The following ANK2 variants were observed in gnomAD, a reference collection of about 807,000 sequenced individuals.
ANK2 encodes ankyrin-2.
In ANK2, 83 loss-of-function variants were observed where a neutral mutation model predicts 360.5. The observed-to-expected ratio is 0.23, with a 90% CI of 0.19 to 0.28. ANK2 has a LOEUF of 0.28. Ranked by LOEUF, ANK2 falls within the 10% of genes least tolerant of loss-of-function variation. ANK2 has a pLI of 1.00. For synonymous variants in ANK2, 1,740 were observed against 1,759.5 expected (o/e 0.99, Z 0.28); for missense variants, 4,201 against 4,795.7 (o/e 0.88, Z 3.66).
chr4:112,833,760 T>C (rs1039654747), intron 1 of ANK2, among the ~76,000 whole-genome samples: 18 of 152,110 alleles, frequency 1.2e-4, no homozygotes, highest in East Asian at 3.9e-4. Flanking sequence ...GCCTCGGCCT[T>C]CCAAAGTGCT....
intron 1 of ANK2, among the ~76,000 whole-genome samples, chr4:113,118,465 A>G (rs1359754771): frequency 6.6e-6 from 1 of 152,068 alleles, no homozygotes; most frequent in Admixed American, 6.6e-5. Flanking sequence ...TCTTTGCCTC[A>G]CTTTTGGAAA....
At chr4:113,083,542 C>T (rs1233671824) in intron 1 of ANK2, among the ~76,000 whole-genome samples, 2 of 152,100 alleles carry the variant, frequency 1.3e-5, no homozygotes, top group Non-Finnish European at 2.9e-5. Flanking sequence ...TATCTTCCTC[C>T]AGATGTAAAA....
At chr4:113,224,296 T>G (rs1246942076) in intron 4 of ANK2, among the ~76,000 whole-genome samples, 2 of 152,200 alleles carry the variant, frequency 1.3e-5, no homozygotes. Flanking sequence ...CTTTATTCCT[T>G]TATGTAACAA....
At chr4:113,171,009 TA>T (rs2097921901) in intron 1 of ANK2, among the ~76,000 whole-genome samples, 1 of 152,214 alleles carries the variant, frequency 6.6e-6, no homozygotes, top group African/African-American at 2.4e-5. Flanking sequence ...AGGGAGAGGA[TA>T]GTCTTACATT....
intron 2 of ANK2, among the ~76,000 whole-genome samples, chr4:112,967,842 CCT>C (rs1407963038): frequency 1.3e-5 from 2 of 152,120 alleles, no homozygotes; most frequent in African/African-American, 4.8e-5. Context: ...AATCATTTCC[CCT>C]CTCAGCTTGA....
In ANK2 at chr4:113,183,633, A is replaced by C. The variant is rs143286729; in HGVS notation, c.186+9116A>C. Among the ~76,000 whole-genome samples the C allele has an allele frequency of 6.3e-3, 960 of 152,312 alleles. 7 individuals are homozygous for C. Among genetic ancestry groups the C allele is most frequent in the African/African-American group, 0.015 (628 of 41,564 alleles). On this transcript the variant is annotated intron_variant, in intron 2 of 45. Coordinates refer to ENST00000357077, the MANE Select transcript of ANK2 (RefSeq NM_001148.6). Reference sequence around the variant, plus strand: ...ATTGAAGGATTTCTGGAGTTGGATGAGTAGATTAGCAAGAGAGTAAGTGCT... The same window carrying C: ...ATTGAAGGATTTCTGGAGTTGGATGCGTAGATTAGCAAGAGAGTAAGTGCT...
intron 1 of ANK2, among the ~76,000 whole-genome samples, chr4:112,840,947 C>T (rs10516590): frequency 0.3 from 45,488 of 150,804 alleles, 6,924 homozygotes; most frequent in East Asian, 0.35. Flanking sequence ...ATCTTTCCTG[C>T]TGTTATATAC....
intron 45 of ANK2, among the ~76,000 whole-genome samples, chr4:113,376,699 A>G (rs34938525): frequency 0.12 from 18,943 of 151,870 alleles, 1,382 homozygotes; most frequent in Middle Eastern, 0.2. Flanking sequence ...ATGCAAACAC[A>G]TTGCACAGGT....
chr4:113,146,423 A>G (rs962934865), intron 1 of ANK2, among the ~76,000 whole-genome samples: 2 of 152,164 alleles, frequency 1.3e-5, no homozygotes, highest in African/African-American at 4.8e-5. Flanking sequence ...TTTTAAGCAT[A>G]TGCTCCCTTA....
At chr4:113,001,777 C>G (rs1022809752) in intron 2 of ANK2, among the ~76,000 whole-genome samples, 1 of 152,116 alleles carries the variant, frequency 6.6e-6, no homozygotes, top group Non-Finnish European at 1.5e-5. Flanking sequence ...TCCTCTCGCT[C>G]ACATCCTGGG....
intron 2 of ANK2, among the ~76,000 whole-genome samples, chr4:112,960,834 C>G (rs957904483): frequency 3.9e-5 from 6 of 152,010 alleles, no homozygotes; most frequent in Admixed American, 3.3e-4. Flanking sequence ...TTCATGACAT[C>G]CCTATGAGGA....
the ANK2 span, among the ~76,000 whole-genome samples, chr4:112,737,787 G>A: frequency 2.0e-5 from 3 of 152,318 alleles, no homozygotes; most frequent in African/African-American, 7.2e-5. Flanking sequence ...GTTGGACTAT[G>A]TATGTTAGGA....
intron 43 of ANK2, among the ~76,000 whole-genome samples, chr4:113,370,559 A>C (rs1025234618): frequency 6.6e-6 from 1 of 152,072 alleles, no homozygotes; most frequent in Non-Finnish European, 1.5e-5. Flanking sequence ...GGAGATCGAG[A>C]CCATCCTGGC....
rs2153389726 is a variant in ANK2 at position 113,196,399 on chromosome 4, A to G, written c.218A>G (p.Lys73Arg). Residue 73 changes from lysine to arginine, a missense_variant, in exon 3 of 46, where the codon AAG becomes AGG. Lys to Arg is a conservative substitution (Grantham distance 26, BLOSUM62 2). Coordinates refer to ENST00000357077, the MANE Select transcript of ANK2 (RefSeq NM_001148.6). ...CTCAACGCTCTCCATCTGGCTGCCAAGGAAGGCCACGTGGGGCTGGTGCAG... is the reference window on the plus strand; with the variant it reads ...CTCAACGCTCTCCATCTGGCTGCCAGGGAAGGCCACGTGGGGCTGGTGCAG... ...NGLNALHLAA[K>R]EGHVGLVQEL... 2 of 1,613,876 alleles carry G rather than the reference A, an allele frequency of 1.2e-6. No homozygotes were observed. Among genetic ancestry groups the G allele is most frequent in the East Asian group, 2.2e-5 (1 of 44,888 alleles).
the ANK2 span, among the ~76,000 whole-genome samples, chr4:112,766,718 C>T: frequency 2.0e-5 from 3 of 152,198 alleles, no homozygotes; most frequent in African/African-American, 7.2e-5. Context: ...ATACTTTAAT[C>T]TTACCGGAGT....
intron 40 of ANK2, 144 bp downstream of exon 40, chr4:113,363,613 C>T: frequency 1.1e-6 from 1 of 884,590 alleles, no homozygotes; most frequent in South Asian, 1.4e-5. Flanking sequence ...TCATTTTGTT[C>T]AGTGTCATTT....
the ANK2 span, among the ~76,000 whole-genome samples, chr4:112,807,667 C>T: frequency 1.3e-5 from 2 of 152,234 alleles, no homozygotes; most frequent in East Asian, 1.9e-4. Context: ...TTTGGGTTTA[C>T]GAAGAGCGAA....
rs2088046676 is a variant in ANK2 at position 113,323,883 on chromosome 4, A to T, written c.2900+5263A>T. 2.3e-6 allele frequency: 3 copies of T among 1,298,802 alleles called. No individual in the cohort carries two copies. The South Asian group carries it at 4.5e-5, about 20-fold the overall frequency. 80.5% of individuals were successfully genotyped at this position (1,298,802 alleles called of 1,614,324 possible). ...CCTTCTGCATATTCCTTGCCTCAGG[A>T]TGCTTTAGTGTGAAGATACCTAGCC... On this transcript the variant is annotated intron_variant, in intron 26 of 45. Coordinates refer to ENST00000357077, the MANE Select transcript of ANK2 (RefSeq NM_001148.6).
At chr4:113,135,504 T>C (rs144853721) in intron 1 of ANK2, among the ~76,000 whole-genome samples, 3 of 142,828 alleles carry the variant, frequency 2.1e-5, no homozygotes, top group African/African-American at 7.9e-5. Context: ...GGCCAAACCA[T>C]AGAGCTGTGT....
Sources: gnomAD v4.1 joint callset for allele counts (sites outside exome capture counted in the v4.1 genomes callset) on GRCh38, gnomAD v4.1.1 for gene constraint, MANE v1.5 for transcripts, NCBI Gene and HGNC (gene_info 2026-07-23, HGNC 2026-07-21) for gene names.